Variants in HELQ observed in about 807,000 individuals in gnomAD.
HELQ encodes helicase POLQ-like.
HELQ carries 77 observed loss-of-function variants against 111.6 expected under a neutral mutation model. That is an observed-to-expected ratio of 0.69 (90% CI 0.57 to 0.83). The LOEUF (loss-of-function observed/expected upper bound fraction) is 0.83. Among genes scored for constraint, HELQ ranks in the 40% least tolerant of loss-of-function variants. The pLI is 0.00. For missense variants in HELQ, 1,200 were observed against 1,288.5 expected (o/e 0.93, Z 1.05); for synonymous variants, 438 against 454.7 (o/e 0.96, Z 0.47).
At chr4:83,420,122 A>G (rs1055021469) in intron 15 of HELQ, among the ~76,000 whole-genome samples, 1 of 152,248 alleles carries the variant, frequency 6.6e-6, no homozygotes. Flanking sequence ...TTATAAACAC[A>G]TAAAAAAAGT....
At position 83,448,754 on chromosome 4, in the gene HELQ, T is replaced by C. The variant is rs769306181; in HGVS notation, c.1191+29A>G. ...AACGTCAAAGTACTAGCAAATAACA[T>C]TTGTTTTAAAACATACACACACACA... On this transcript the variant is annotated intron_variant, in intron 3 of 17. Coordinates refer to ENST00000295488, the MANE Select transcript of HELQ (RefSeq NM_133636.5). 1.0e-5 allele frequency: 16 copies of C among 1,565,582 alleles called. No homozygotes were observed. In the South Asian group the frequency reaches 1.9e-4, roughly 18 times the overall value.
intron 7 of HELQ, 36 bp from the exon 8 acceptor site, chr4:83,440,044 G>A (rs1008789824): frequency 1.9e-6 from 3 of 1,562,900 alleles, no homozygotes; most frequent in African/African-American, 1.4e-5. Context: ...AAAGTGGTTA[G>A]TAAACATGAA....
intron 9 of HELQ, among the ~76,000 whole-genome samples, chr4:83,434,280 A>G (rs1370245809): frequency 4.6e-5 from 7 of 152,086 alleles, no homozygotes; most frequent in African/African-American, 1.7e-4. Flanking sequence ...CTGAGGCAGG[A>G]GAATCGCTTG....
intron 1 of HELQ, among the ~76,000 whole-genome samples, chr4:83,454,279 T>C (rs1721600236): frequency 6.6e-6 from 1 of 152,174 alleles, no homozygotes; most frequent in Non-Finnish European, 1.5e-5. Context: ...TATATAATTA[T>C]ATGGTCACAT....
chr4:83,441,770 CTTTTT>C (rs34655032), intron 6 of HELQ, among the ~76,000 whole-genome samples: 1 of 123,858 alleles, frequency 8.1e-6, no homozygotes. Context: ...AAAACTTTGT[CTTTTT>C]TTTTTTTTTT....
chr4:83,421,800 T>C (rs1719518523), intron 14 of HELQ, 64 bp from the exon 15 acceptor site: 3 of 1,297,448 alleles, frequency 2.3e-6, no homozygotes, highest in African/African-American at 3.0e-5. Context: ...TTATTAAAAT[T>C]GGACAAAAGG....
chr4:83,450,222 T>TAAAAAAA lies in HELQ; in HGVS notation c.1013-1268_1013-1262dup, dbSNP rs71668650. 4.6e-3 allele frequency among the ~76,000 whole-genome samples: 210 copies of TAAAAAAA among 45,596 alleles called. 32 individuals carry two copies. Among genetic ancestry groups the TAAAAAAA allele is most frequent in the South Asian group, 0.011 (6 of 552 alleles). The allele number at this position is 45,596 out of a possible 152,430, so 29.9% of individuals were successfully genotyped here. On this transcript the variant is annotated intron_variant, in intron 2 of 17. Transcript: ENST00000295488. ...TGTATGTTCAATATACAGTTAAGTT[T>TAAAAAAA]AAAAAAAAAAAAAAAAAAAAAAAAA... is the stretch of plus-strand genomic sequence containing the variant.
intron 2 of HELQ, among the ~76,000 whole-genome samples, chr4:83,451,510 A>T (rs963105920): frequency 6.6e-6 from 1 of 151,786 alleles, no homozygotes; most frequent in Non-Finnish European, 1.5e-5. Context: ...AAAATACAAA[A>T]AAAAAATTAG....
intron 15 of HELQ, among the ~76,000 whole-genome samples, chr4:83,421,226 T>G (rs1179468342): frequency 6.6e-6 from 1 of 152,188 alleles, no homozygotes; most frequent in Non-Finnish European, 1.5e-5. Flanking sequence ...GTGAAAGACA[T>G]TCACATGGAA....
intron 14 of HELQ, among the ~76,000 whole-genome samples, chr4:83,422,204 G>A (rs1021939199): frequency 6.6e-6 from 1 of 152,112 alleles, no homozygotes; most frequent in African/African-American, 2.4e-5. Flanking sequence ...GGGAGACAGA[G>A]TGAGACCCTG....
intron 5 of HELQ, among the ~76,000 whole-genome samples, chr4:83,444,304 G>C (rs191323411): frequency 3.9e-5 from 6 of 152,150 alleles, no homozygotes; most frequent in Non-Finnish European, 5.9e-5. Flanking sequence ...AGGATAGAGG[G>C]CTAAATGCGT....
At chr4:83,417,829 C>T (rs549932875) in intron 16 of HELQ, among the ~76,000 whole-genome samples, 5 of 151,898 alleles carry the variant, frequency 3.3e-5, no homozygotes, top group Non-Finnish European at 5.9e-5. Flanking sequence ...GGTAGCACAA[C>T]ATACTTGGAG....
chr4:83,407,581 G>T, intron 17 of HELQ, 21 bp from the exon 18 acceptor site: 2 of 1,528,662 alleles, frequency 1.3e-6, no homozygotes, highest in Non-Finnish European at 1.8e-6. Flanking sequence ...AAATTAAGAC[G>T]TGAGGCCAAA....
Position 83,453,646 on chromosome 4 carries a change from C to T in HELQ, c.597G>A (p.Gln199=). 1 of 1,614,040 alleles carries T rather than the reference C, an allele frequency of 6.2e-7. No homozygotes were observed. The highest frequency in any genetic ancestry group is 8.5e-7 in the Non-Finnish European group (1 of 1,179,962). The part of the protein sequence containing the change: ...ADLLYDVPSS[Q]AIYFENLQNS... Reference sequence around the variant, plus strand: ...TCTGCAAATTTTCAAAGTATATAGCCTGTGAGGAAGGTACATCATACAAAA... The same window carrying T: ...TCTGCAAATTTTCAAAGTATATAGCTTGTGAGGAAGGTACATCATACAAAA... Residue 199 remains glutamine (Q), a synonymous_variant, in exon 2 of 18, where the codon CAG becomes CAA. Coordinates refer to ENST00000295488, the MANE Select transcript of HELQ (RefSeq NM_133636.5).
intron 15 of HELQ, among the ~76,000 whole-genome samples, chr4:83,420,480 GCA>G (rs1161692783): frequency 1.4e-5 from 2 of 145,256 alleles, no homozygotes; most frequent in African/African-American, 5.0e-5. Flanking sequence ...CCCACCCTTT[GCA>G]CAAAAAAAAT....
Position 83,437,404 on chromosome 4 carries a change from A to G in HELQ, c.1809-307T>C, listed in dbSNP as rs191544745. Among the ~76,000 whole-genome samples, 259 of 152,194 alleles carry G rather than the reference A, an allele frequency of 1.7e-3. 1 individual carries two copies. Among genetic ancestry groups the G allele is most frequent in the African/African-American group, 5.7e-3 (237 of 41,542 alleles). ...GAGGCAGAAGGATTGCTTGAGCCCA[A>G]GAGTTCAAGATCAGCTTGGGCAGTG... is the stretch of plus-strand genomic sequence containing the variant. On this transcript the variant is annotated intron_variant, in intron 8 of 17. Coordinates refer to ENST00000295488, the MANE Select transcript of HELQ (RefSeq NM_133636.5).
chr4:83,410,428 GTAAA>G (rs1189615980), intron 17 of HELQ, among the ~76,000 whole-genome samples: 1 of 152,130 alleles, frequency 6.6e-6, no homozygotes, highest in African/African-American at 2.4e-5. Flanking sequence ...AAAAAGTGCT[GTAAA>G]TAAATACTGA....
In HELQ at chr4:83,443,575, T is replaced by G. The variant is rs369858157; in HGVS notation, c.1505A>C (p.Asn502Thr). The change falls in exon 6 of 18, where the codon AAT becomes ACT. Residue 502 changes from asparagine to threonine, a missense_variant. Physicochemically the swap from Asn to Thr is moderately conservative, Grantham distance 65 (BLOSUM62 0). Transcript: ENST00000295488. ...AAGAAACTTTTGTAGGTCTTCAACA[T>G]TGTTTAATGTTGCACTCATACCAAT... ...QIIGMSATLNNVEDLQKFLQA... is the reference protein window; with the variant it reads ...QIIGMSATLNTVEDLQKFLQA... 6.3e-7 allele frequency: 1 copy of G among 1,590,650 alleles called. No individual in the cohort carries two copies. Among genetic ancestry groups the G allele is most frequent in the South Asian group, 1.1e-5 (1 of 89,462 alleles).
Position 83,455,601 on chromosome 4 carries a change from C to G in HELQ, c.93G>C (p.Ala31=), listed in dbSNP as rs1721735314. 1.2e-6 allele frequency: 2 copies of G among 1,614,146 alleles called. No individual in the cohort carries two copies. The highest frequency in any genetic ancestry group is 2.2e-5 in the East Asian group (1 of 44,872). ...SLGCIFGAPT[A]AELVPGDEGK... is the part of the protein sequence containing the mutation. ...CCTCATCTCCGGGCACGAGCTCGGC[C>G]GCGGTGGGAGCGCCAAAAATACACC... is the stretch of plus-strand genomic sequence containing the variant. Residue 31 remains alanine (A), a synonymous_variant, in exon 1 of 18, where the codon GCG becomes GCC. Coordinates refer to ENST00000295488, the MANE Select transcript of HELQ (RefSeq NM_133636.5).
Sources: allele counts gnomAD v4.1 joint callset (sites outside exome capture counted in the v4.1 genomes callset), GRCh38; gene constraint gnomAD v4.1.1; transcripts MANE v1.5; gene names NCBI Gene and HGNC (gene_info 2026-07-23, HGNC 2026-07-21).